Variants in TRAF3IP3 observed in about 807,000 individuals in gnomAD.
TRAF3IP3 encodes TRAF3 interacting protein 3, also known as TRAF3-interacting JNK-activating modulator.
Under a neutral mutation model 86.5 loss-of-function variants are expected in TRAF3IP3, and 64 were observed. The observed-to-expected ratio is 0.74, with a 90% CI of 0.60 to 0.91. The LOEUF is 0.91. Ranked by LOEUF, TRAF3IP3 falls within the 40% of genes least tolerant of loss-of-function variation. TRAF3IP3 has a pLI of 0.00. For missense variants in TRAF3IP3, 579 were observed against 642.9 expected, an observed-to-expected ratio of 0.90 and a Z score of 1.07; for synonymous variants, 220 against 243.9, an observed-to-expected ratio of 0.90 and a Z score of 0.91.
At chr1:209,763,734 G>A in intron 8 of TRAF3IP3, 147 bp downstream of exon 8, 2 of 678,484 alleles carry the variant, frequency 2.9e-6, no homozygotes, top group African/African-American at 1.8e-5. Context: ...GGGGGATGGT[G>A]CTCAGACCTA....
intron 15 of TRAF3IP3, 145 bp from the exon 16 acceptor site, chr1:209,781,200 C>G: frequency 1.8e-6 from 1 of 553,006 alleles, no homozygotes; most frequent in Non-Finnish European, 3.3e-6. Flanking sequence ...AGTCAAAAGA[C>G]AAACTCAAAT....
Position 209,775,419 on chromosome 1 carries a change from A to G in TRAF3IP3, c.845A>G (p.Lys282Arg). The G allele has an allele frequency of 6.2e-7, 1 of 1,614,234 alleles. No homozygotes were observed. Residue 282 changes from lysine (K) to arginine (R), a missense_variant, in exon 10 of 17, where the codon AAG (lysine) becomes AGG (arginine). Transcript: ENST00000367025. ...MEDQKNSYEQKAKESLQKVLE... is the reference protein window; with the variant it reads ...MEDQKNSYEQRAKESLQKVLE... Reference sequence around the variant, plus strand: ...GACCAGAAAAACAGCTATGAGCAGAAGGCCAAGGAGTCACTGCAGAAAGTG... The same window carrying G: ...GACCAGAAAAACAGCTATGAGCAGAGGGCCAAGGAGTCACTGCAGAAAGTG...
intron 14 of TRAF3IP3, 108 bp from the exon 15 acceptor site, chr1:209,780,362 G>A (rs189288357): frequency 2.1e-5 from 23 of 1,081,968 alleles, no homozygotes; most frequent in African/African-American, 9.7e-5. Context: ...CCAAGAGCAC[G>A]CCCTCCCAAG....
chr1:209,765,128 T>C (rs764808966), intron 8 of TRAF3IP3, among the ~76,000 whole-genome samples: 4 of 144,810 alleles, frequency 2.8e-5, no homozygotes, highest in Non-Finnish European at 6.0e-5. Flanking sequence ...TGAGCGATGA[T>C]AGTGCCACTA....
intron 8 of TRAF3IP3, among the ~76,000 whole-genome samples, chr1:209,765,295 A>C (rs1318854509): frequency 6.7e-6 from 1 of 148,394 alleles, no homozygotes; most frequent in Non-Finnish European, 1.5e-5. Flanking sequence ...GGAAGAAATT[A>C]AGATAGAAAT....
Sources: gnomAD v4.1 joint callset for allele counts (sites outside exome capture counted in the v4.1 genomes callset) on GRCh38, gnomAD v4.1.1 for gene constraint, MANE v1.5 for transcripts, NCBI Gene and HGNC (gene_info 2026-07-23, HGNC 2026-07-21) for gene names.